SMCO2: variants seen among roughly 807,000 people sequenced by gnomAD.
SMCO2 encodes the protein single-pass membrane and coiled-coil domain-containing protein 2.
SMCO2 carries 25 observed loss-of-function variants against 29.5 expected under a neutral mutation model. The observed-to-expected ratio is 0.85, with a 90% CI of 0.62 to 1.18. The LOEUF (loss-of-function observed/expected upper bound fraction) is 1.18, where lower values mean the gene tolerates loss of function less well. SMCO2 is among the 50% of genes most tolerant of loss of function. The probability of loss-of-function intolerance (pLI) is 0.00; values close to 1 mark genes in which losing one functional copy is unlikely to be tolerated. For synonymous variants in SMCO2, 117 were observed against 123.3 expected (o/e 0.95, Z 0.34); for missense variants, 348 against 344.5 (o/e 1.01, Z -0.08).
the SMCO2 span, among the ~76,000 whole-genome samples, chr12:27,443,332 G>A: frequency 2.0e-5 from 3 of 151,666 alleles, no homozygotes; most frequent in Non-Finnish European, 2.9e-5. Context: ...TGATAAAAAG[G>A]CTCCTCAAAA....
chr12:27,455,709 C>A, the SMCO2 span, among the ~76,000 whole-genome samples: 1 of 152,036 alleles, frequency 6.6e-6, no homozygotes, highest in African/African-American at 2.4e-5. Context: ...AACAGCCCCC[C>A]AAAATTGAAA....
intron 4 of SMCO2, among the ~76,000 whole-genome samples, chr12:27,486,051 T>C (rs443557): frequency 0.12 from 18,672 of 152,200 alleles, 2,211 homozygotes; most frequent in African/African-American, 0.29. Context: ...TTGAGTATTA[T>C]AAGAGTTTTC....
chr12:27,484,682 A>C (rs1220993336), intron 4 of SMCO2, among the ~76,000 whole-genome samples: 1 of 151,478 alleles, frequency 6.6e-6, no homozygotes, highest in Non-Finnish European at 1.5e-5. Context: ...GTAAAACCCC[A>C]TCTCTACTAA....
At chr12:27,454,697 G>A in the SMCO2 span, among the ~76,000 whole-genome samples, 4 of 152,226 alleles carry the variant, frequency 2.6e-5, no homozygotes, top group South Asian at 6.2e-4. Context: ...TCTACATTAG[G>A]TATTTCTCCT....
At chr12:27,470,078 T>C (rs1305523838) in intron 1 of SMCO2, among the ~76,000 whole-genome samples, 7 of 152,236 alleles carry the variant, frequency 4.6e-5, no homozygotes, top group Admixed American at 3.3e-4. Context: ...GCATTATTTA[T>C]ACTACTAAGC....
chr12:27,492,485 C>T (rs1942930396), intron 5 of SMCO2, among the ~76,000 whole-genome samples: 1 of 152,050 alleles, frequency 6.6e-6, no homozygotes, highest in African/African-American at 2.4e-5. Flanking sequence ...ATTGCTTGAG[C>T]CCAGGAGTTC....
intron 1 of SMCO2, among the ~76,000 whole-genome samples, chr12:27,468,264 A>G (rs1002928165): frequency 2.6e-5 from 4 of 152,238 alleles, no homozygotes; most frequent in African/African-American, 9.6e-5. Context: ...AGAAGGTGAT[A>G]GTCTAGAACA....
At chr12:27,482,462 G>C (rs543228704) in intron 4 of SMCO2, among the ~76,000 whole-genome samples, 2 of 152,062 alleles carry the variant, frequency 1.3e-5, no homozygotes, top group Non-Finnish European at 2.9e-5. Context: ...CACCATGCCT[G>C]GCTAATTTTT....
chr12:27,485,608 T>G (rs1298299707), intron 4 of SMCO2, among the ~76,000 whole-genome samples: 2 of 151,842 alleles, frequency 1.3e-5, no homozygotes, highest in Non-Finnish European at 2.9e-5. Flanking sequence ...CATACCTGAT[T>G]AATTTTTTTA....
the SMCO2 span, among the ~76,000 whole-genome samples, chr12:27,444,692 G>A: frequency 6.6e-6 from 1 of 152,196 alleles, no homozygotes; most frequent in African/African-American, 2.4e-5. Context: ...AGTAACAGAG[G>A]CCTACAAGGA....
At chr12:27,424,659 T>C in the SMCO2 span, 1 of 152,212 alleles carries the variant, frequency 6.6e-6, no homozygotes, top group Non-Finnish European at 1.5e-5. Flanking sequence ...CAGATCATGC[T>C]GCCAAGAGGT....
the SMCO2 span, among the ~76,000 whole-genome samples, chr12:27,446,946 T>C: frequency 2.6e-5 from 4 of 152,164 alleles, no homozygotes; most frequent in Admixed American, 2.0e-4. Context: ...TTGAATTGTC[T>C]GGGGTCGGGG....
At chr12:27,434,518 G>T in the SMCO2 span, among the ~76,000 whole-genome samples, 4 of 152,142 alleles carry the variant, frequency 2.6e-5, no homozygotes, top group Non-Finnish European at 1.5e-5. Flanking sequence ...CCCTCCTTCT[G>T]TAGCAAAATT....
chr12:27,465,556 G>T (rs1354369881), upstream of SMCO2, among the ~76,000 whole-genome samples: 1 of 152,186 alleles, frequency 6.6e-6, no homozygotes, highest in East Asian at 1.9e-4. Context: ...TTTGGCTGAA[G>T]AAATGCTCAG....
intron 4 of SMCO2, among the ~76,000 whole-genome samples, chr12:27,482,666 T>A (rs894917495): frequency 6.6e-6 from 1 of 152,254 alleles, no homozygotes; most frequent in African/African-American, 2.4e-5. Flanking sequence ...GATACCGTTC[T>A]CTTACTGACT....
At chr12:27,424,136 T>A in the SMCO2 span, 42 of 152,204 alleles carry the variant, frequency 2.8e-4, no homozygotes, top group Non-Finnish European at 1.2e-4. Context: ...GAAAATAAAA[T>A]TATACATGTG....
chr12:27,497,732 C>CAA (rs544348765), intron 7 of SMCO2: 1,147 of 89,350 alleles, frequency 0.013, 47 homozygotes, highest in African/African-American at 0.043. Context: ...GACCTGGTCT[C>CAA]AAAAAAAAAA....
At chr12:27,484,959 G>C (rs419022) in intron 4 of SMCO2, among the ~76,000 whole-genome samples, 18,521 of 148,532 alleles carry the variant, frequency 0.12, 2,194 homozygotes, top group African/African-American at 0.29. Context: ...TTGTTAAGTT[G>C]CGTTGTGCCT....
intron 3 of SMCO2, 53 bp downstream of exon 3, chr12:27,472,928 A>G: frequency 7.7e-7 from 1 of 1,304,640 alleles, no homozygotes; most frequent in Non-Finnish European, 1.1e-6. Flanking sequence ...AGTAGGTTGA[A>G]GAGAAGAACT....
Sources: allele counts gnomAD v4.1 joint callset (sites outside exome capture counted in the v4.1 genomes callset), GRCh38; gene constraint gnomAD v4.1.1; transcripts MANE v1.5; gene names NCBI Gene and HGNC (gene_info 2026-07-23, HGNC 2026-07-21).